DNAJC19: variants seen among roughly 807,000 people sequenced by gnomAD.
The protein encoded by DNAJC19 is mitochondrial import inner membrane translocase subunit TIM14.
Under a neutral mutation model 19.8 loss-of-function variants are expected in DNAJC19, and 15 were observed. That is an observed-to-expected ratio of 0.76 (90% CI 0.51 to 1.17). DNAJC19 has a LOEUF of 1.17. Ranked by LOEUF, DNAJC19 falls within the 50% of genes most tolerant of loss-of-function variation. DNAJC19 has a pLI of 0.00. For synonymous variants in DNAJC19, 38 were observed against 42.1 expected (o/e 0.90, Z 0.38); for missense variants, 105 against 140.9 (o/e 0.75, Z 1.29).
At chr3:180,987,904 A>G in intron 3 of DNAJC19, 119 bp downstream of exon 3, 1 of 1,175,788 alleles carries the variant, frequency 8.5e-7, no homozygotes. Flanking sequence ...CCTTGCAGGA[A>G]GCAGGAGAAT....
chr3:180,989,377 C>T (rs1257180408), intron 1 of DNAJC19: 2 of 1,428,960 alleles, frequency 1.4e-6, no homozygotes, highest in South Asian at 1.5e-5. Context: ...CCCGTGCGGA[C>T]AAGAAGCTGG....
intron 1 of DNAJC19, 129 bp downstream of exon 1, chr3:180,989,471 C>T: frequency 2.6e-6 from 4 of 1,534,084 alleles, no homozygotes; most frequent in African/African-American, 1.4e-5. Context: ...GTGTGACTCC[C>T]CAATAACCGA....
intron 1 of DNAJC19, chr3:180,989,350 A>C: frequency 7.0e-7 from 1 of 1,422,370 alleles, no homozygotes; most frequent in Non-Finnish European, 9.2e-7. Flanking sequence ...AGTTCCAGGC[A>C]AGCAACACCT....
chr3:180,987,390 G>C, intron 3 of DNAJC19: 2 of 301,790 alleles, frequency 6.6e-6, no homozygotes, highest in East Asian at 8.4e-5. Flanking sequence ...TTTGAGACAA[G>C]AGGTTCAAGT....
At position 180,983,755 on chromosome 3, in the gene DNAJC19, G is replaced by A. The variant is rs1714737782; in HGVS notation, c.*885C>T. On this transcript the variant is annotated 3_prime_UTR_variant, in exon 6 of 6. Coordinates refer to ENST00000382564, the MANE Select transcript of DNAJC19 (RefSeq NM_145261.4). ...AATTTATTAGTGTATAAATTCTAAAGAGTCCAAATTAAATATGTTGATATT... is the reference window on the plus strand; with the variant it reads ...AATTTATTAGTGTATAAATTCTAAAAAGTCCAAATTAAATATGTTGATATT... 2.2e-6 allele frequency: 1 copy of A among 448,806 alleles called. No homozygotes were observed. The highest frequency in any genetic ancestry group is 2.0e-5 in the African/African-American group (1 of 49,666). The allele number at this position is 448,806 out of a possible 1,614,324, so 27.8% of individuals were successfully genotyped here.
Position 180,989,605 on chromosome 3 carries a change from C to A in DNAJC19, c.-3G>T. 1 of 1,587,668 alleles carries A rather than the reference C, an allele frequency of 6.3e-7. No homozygotes were observed. The highest frequency in any genetic ancestry group is 8.6e-7 in the Non-Finnish European group (1 of 1,167,314). On this transcript the variant is annotated 5_prime_UTR_variant, in exon 1 of 6. Coordinates refer to ENST00000382564, the MANE Select transcript of DNAJC19 (RefSeq NM_145261.4). The stretch of plus-strand genomic sequence containing the variant: ...GACCGGAAGGCCGCACTCACCATGG[C>A]TCCGGCTGGGCTCCCTTGCTTCCAC...
At chr3:180,988,337 AAC>A (rs1314985139) in intron 1 of DNAJC19, 108 bp from the exon 2 acceptor site, 1 of 1,266,770 alleles carries the variant, frequency 7.9e-7, no homozygotes, top group African/African-American at 1.5e-5. Context: ...TAATAGGAGA[AAC>A]AACTTTTTTT....
At chr3:180,987,516 C>A in intron 3 of DNAJC19, 1 of 252,718 alleles carries the variant, frequency 4.0e-6, no homozygotes, top group Non-Finnish European at 7.7e-6. Context: ...TTCTGTTACA[C>A]TTAATCACAA....
In DNAJC19 at chr3:180,984,493, T is replaced by TTC. The variant is rs1390620105; in HGVS notation, c.*146_*147insGA. 2.0e-5 allele frequency: 14 copies of TTC among 686,374 alleles called. No homozygotes were observed. Among genetic ancestry groups the TTC allele is most frequent in the Non-Finnish European group, 3.7e-5 (14 of 378,304 alleles). The allele number at this position is 686,374 out of a possible 1,614,324, so 42.5% of individuals were successfully genotyped here. A position where few individuals can be genotyped will look rare whatever the true frequency, so the allele number is the denominator to read the frequency against. On this transcript the variant is annotated 3_prime_UTR_variant, in exon 6 of 6. Transcript: ENST00000382564. ...TATAATCTGATTTAAAATCCCCAAA[T>TTC]TTAAACAAGAAAATTATACCAAGGC...
intron 3 of DNAJC19, chr3:180,987,565 CTG>C (rs1486740042): frequency 1.1e-5 from 3 of 264,490 alleles, no homozygotes; most frequent in Non-Finnish European, 2.2e-5. Context: ...CTATTCTTAA[CTG>C]TGACCACAGA....
chr3:180,988,358 T>TC (rs1374461439), intron 1 of DNAJC19, 129 bp from the exon 2 acceptor site: 21 of 915,936 alleles, frequency 2.3e-5, no homozygotes, highest in Non-Finnish European at 3.3e-5. Flanking sequence ...TTTTTCTTTT[T>TC]TTTTTTTTTT....
rs1293944254 is a variant in DNAJC19, at chr3:180,983,731, A to G, written c.*909T>C. 2 of 432,120 alleles carry G rather than the reference A, an allele frequency of 4.6e-6. No individual in the cohort carries two copies. Among genetic ancestry groups the G allele is most frequent in the South Asian group, 3.3e-5 (2 of 60,136 alleles). 26.8% of individuals were successfully genotyped at this position (432,120 alleles called of 1,614,324 possible). A position where few individuals can be genotyped will look rare whatever the true frequency, so the allele number is the denominator to read the frequency against. On this transcript the variant is annotated 3_prime_UTR_variant, in exon 6 of 6. Coordinates refer to ENST00000382564, the MANE Select transcript of DNAJC19 (RefSeq NM_145261.4). ...TAATTTGCCTTTAAACATCATTTAA[A>G]TTTATTAGTGTATAAATTCTAAAGA...
chr3:180,988,591 GAA>G (rs1005286480), intron 1 of DNAJC19, among the ~76,000 whole-genome samples: 1 of 151,980 alleles, frequency 6.6e-6, no homozygotes, highest in African/African-American at 2.4e-5. Context: ...CATCATATGG[GAA>G]AGAGGGCAAG....
At chr3:180,987,113 A>C in intron 3 of DNAJC19, 91 bp from the exon 4 acceptor site, 1 of 1,179,472 alleles carries the variant, frequency 8.5e-7, no homozygotes, top group East Asian at 2.3e-5. Flanking sequence ...ACTAAGAAAA[A>C]CTAAGACATT....
chr3:180,989,654 C>G lies in DNAJC19; in HGVS notation c.-52G>C. ...ACCGGGAGCACGGCTCATCCCAGCT[C>G]AGAGGCCGCGGCCAACACCTGCACG... On this transcript the variant is annotated 5_prime_UTR_variant, in exon 1 of 6. Transcript: ENST00000382564. The G allele has an allele frequency of 6.4e-7, 1 of 1,573,300 alleles. No homozygotes were observed. Among genetic ancestry groups the G allele is most frequent in the Non-Finnish European group, 8.6e-7 (1 of 1,159,830 alleles).
upstream of DNAJC19, chr3:180,989,739 C>T (rs1036428783): frequency 7.0e-7 from 1 of 1,424,866 alleles, no homozygotes; most frequent in Non-Finnish European, 9.6e-7. Context: ...CGCAACACGG[C>T]AGGAGCAGCC....
chr3:180,987,290 C>A, intron 3 of DNAJC19: 1 of 452,718 alleles, frequency 2.2e-6, no homozygotes, highest in Non-Finnish European at 4.0e-6. Flanking sequence ...TGTCTGAAAG[C>A]CAGGTCTTCC....
chr3:180,986,434 A>G (rs1560039534), intron 4 of DNAJC19, among the ~76,000 whole-genome samples: 1 of 152,118 alleles, frequency 6.6e-6, no homozygotes, highest in Non-Finnish European at 1.5e-5. Flanking sequence ...GGTGTGTGCC[A>G]TTACGCCTGG....
rs1165502589 is a variant in DNAJC19, at chr3:180,984,224, C to G, written c.*416G>C. ...CCTGTACCTGGAACAGCCTTTCCAC[C>G]GAATAAGAAGAGTCCCTACTTAAAC... On this transcript the variant is annotated 3_prime_UTR_variant, in exon 6 of 6. Coordinates refer to ENST00000382564, the MANE Select transcript of DNAJC19 (RefSeq NM_145261.4). 11 of 453,902 alleles carry G rather than the reference C, an allele frequency of 2.4e-5. No homozygotes were observed. Among genetic ancestry groups the G allele is most frequent in the Admixed American group, 1.6e-4 (7 of 42,542 alleles). The allele number at this position is 453,902 out of a possible 1,614,324, so 28.1% of individuals were successfully genotyped here. A position where few individuals can be genotyped will look rare whatever the true frequency, so the allele number is the denominator to read the frequency against.
Sources: gnomAD v4.1 joint callset for allele counts (sites outside exome capture counted in the v4.1 genomes callset) on GRCh38, gnomAD v4.1.1 for gene constraint, MANE v1.5 for transcripts, NCBI Gene and HGNC (gene_info 2026-07-23, HGNC 2026-07-21) for gene names.